Variants in SH3BP5 observed in about 807,000 individuals in gnomAD.
SH3BP5 encodes the protein SH3 domain-binding protein 5.
SH3BP5 carries 22 observed loss-of-function variants against 43.3 expected under a neutral mutation model. The observed-to-expected ratio is 0.51, with a 90% CI of 0.36 to 0.73. SH3BP5 has a LOEUF of 0.73. Among genes scored for constraint, SH3BP5 ranks in the 30% least tolerant of loss-of-function variants. The probability of loss-of-function intolerance (pLI) is 0.00; values close to 1 mark genes in which losing one functional copy is unlikely to be tolerated. For synonymous variants in SH3BP5, 255 were observed against 225.8 expected (o/e 1.13, Z -1.16); for missense variants, 529 against 586.9 (o/e 0.90, Z 1.02).
upstream of SH3BP5, among the ~76,000 whole-genome samples, chr3:15,335,598 ATAAAT>A (rs533117603): frequency 2.5e-3 from 383 of 151,080 alleles, 2 homozygotes; most frequent in African/African-American, 8.6e-3. Flanking sequence ...TAATGAAAAA[ATAAAT>A]TAAATAAAGT....
intron 3 of SH3BP5, among the ~76,000 whole-genome samples, chr3:15,293,881 C>G (rs930424303): frequency 6.6e-6 from 1 of 151,936 alleles, no homozygotes; most frequent in Non-Finnish European, 1.5e-5. Flanking sequence ...AGTTAGAGAC[C>G]AGCCTGGCCA....
chr3:15,273,402 AT>A, intron 3 of SH3BP5: 1 of 985,402 alleles, frequency 1.0e-6, no homozygotes, highest in Non-Finnish European at 1.2e-6. Context: ...AGAGAACCAG[AT>A]CTCTACAAAG....
chr3:15,280,391 C>A lies in SH3BP5; in HGVS notation c.331-10514G>T, dbSNP rs560423832. On this transcript the variant is annotated intron_variant, in intron 3 of 8. Transcript: ENST00000383791. Reference sequence around the variant, plus strand: ...AGCAGTACCCAAAAGGAAAAAAACCCCACAACAGCACCCCAGGGTACCACC... The same window carrying A: ...AGCAGTACCCAAAAGGAAAAAAACCACACAACAGCACCCCAGGGTACCACC... 6.6e-5 allele frequency among the ~76,000 whole-genome samples: 10 copies of A among 152,258 alleles called. No individual in the cohort carries two copies. The South Asian group carries it at 1.2e-3, about 19-fold the overall frequency.
intron 3 of SH3BP5, among the ~76,000 whole-genome samples, chr3:15,277,094 G>A (rs1446380794): frequency 6.6e-6 from 1 of 152,096 alleles, no homozygotes; most frequent in East Asian, 1.9e-4. Context: ...GGGATTACAG[G>A]TGCCCGCCAC....
At chr3:15,271,968 C>T (rs1696814063) in intron 3 of SH3BP5, among the ~76,000 whole-genome samples, 1 of 152,104 alleles carries the variant, frequency 6.6e-6, no homozygotes, top group Non-Finnish European at 1.5e-5. Flanking sequence ...TCCCACCACC[C>T]TCCCTCGGTT....
At chr3:15,259,643 C>G (rs1696357622) in intron 6 of SH3BP5, 118 bp downstream of exon 6, 2 of 977,918 alleles carry the variant, frequency 2.0e-6, no homozygotes, top group East Asian at 4.8e-5. Context: ...TCAGTAAAGC[C>G]TGTCTCTCCA....
At position 15,256,388 on chromosome 3, in the gene SH3BP5, G is replaced by C; in HGVS notation, c.1151-85C>G. On this transcript the variant is annotated intron_variant, in intron 8 of 8. Coordinates refer to ENST00000383791, the MANE Select transcript of SH3BP5 (RefSeq NM_004844.5). The stretch of plus-strand genomic sequence containing the variant: ...GAAATACAAAGATTATCAAAAGTGA[G>C]TATTGACAATTCTAAGTCACTTGAG... 4 of 1,406,964 alleles carry C rather than the reference G, an allele frequency of 2.8e-6. No individual in the cohort carries two copies. The Admixed American group carries it at 7.4e-5, about 26-fold the overall frequency. 87.2% of individuals were successfully genotyped at this position (1,406,964 alleles called of 1,614,324 possible).
upstream of SH3BP5, among the ~76,000 whole-genome samples, chr3:15,337,166 C>T (rs919148094): frequency 9.2e-5 from 13 of 141,438 alleles, no homozygotes; most frequent in Non-Finnish European, 2.0e-4. Context: ...CTCACTGCAA[C>T]CTCCGCCTCC....
chr3:15,254,751 T>G lies in SH3BP5; in HGVS notation c.*1335A>C, dbSNP rs1696133109. ...ACCTTAATTAATTGAAAATGATTAC[T>G]GGTGACCACAGCACTCCATGCTCTT... On this transcript the variant is annotated 3_prime_UTR_variant, in exon 9 of 9. Transcript: ENST00000383791. 6.6e-6 allele frequency: 1 copy of G among 152,244 alleles called. No homozygotes were observed. Among genetic ancestry groups the G allele is most frequent in the Admixed American group, 6.5e-5 (1 of 15,276 alleles). The allele number at this position is 152,244 out of a possible 1,614,324, so 9.4% of individuals were successfully genotyped here.
intron 2 of SH3BP5, among the ~76,000 whole-genome samples, chr3:15,314,508 T>TG (rs1271396087): frequency 6.6e-6 from 1 of 151,470 alleles, no homozygotes; most frequent in Non-Finnish European, 1.5e-5. Flanking sequence ...CAGGGCAGAG[T>TG]GGGGGAGCAA....
rs186214700 is a variant in SH3BP5, at chr3:15,262,996, T to G, written c.496-707A>C. 5.6e-4 allele frequency among the ~76,000 whole-genome samples: 85 copies of G among 152,312 alleles called. 2 individuals carry two copies. The highest frequency in any genetic ancestry group is 5.4e-3 in the Admixed American group (82 of 15,304). ...ATATATAGATATCTATATCTAGATATATATTTGAGCAAATTAGTGGTCAGA... is the reference window on the plus strand; with the variant it reads ...ATATATAGATATCTATATCTAGATAGATATTTGAGCAAATTAGTGGTCAGA... On this transcript the variant is annotated intron_variant, in intron 4 of 8. Coordinates refer to ENST00000383791, the MANE Select transcript of SH3BP5 (RefSeq NM_004844.5).
intron 3 of SH3BP5, among the ~76,000 whole-genome samples, chr3:15,276,812 C>T (rs1696984304): frequency 6.6e-6 from 1 of 152,202 alleles, no homozygotes; most frequent in African/African-American, 2.4e-5. Flanking sequence ...GCAGTTACTG[C>T]TTTAGCATTT....
chr3:15,265,492 AG>A (rs1328009668), intron 4 of SH3BP5, among the ~76,000 whole-genome samples: 1 of 143,352 alleles, frequency 7.0e-6, no homozygotes, highest in Non-Finnish European at 1.5e-5. Flanking sequence ...CTCCAGCCTG[AG>A]CTACAGGGCG....
chr3:15,332,731 A>G (rs1698649191), upstream of SH3BP5: 1 of 966,714 alleles, frequency 1.0e-6, no homozygotes, highest in Non-Finnish European at 1.3e-6. Flanking sequence ...CACATCTCCA[A>G]GGTGGCAAAA....
intron 2 of SH3BP5, among the ~76,000 whole-genome samples, chr3:15,310,675 A>C (rs1431303916): frequency 1.3e-5 from 2 of 152,196 alleles, no homozygotes; most frequent in Non-Finnish European, 2.9e-5. Flanking sequence ...CTGTTTACCA[A>C]GGGAGTTTTT....
intron 2 of SH3BP5, among the ~76,000 whole-genome samples, chr3:15,323,413 C>A (rs1321271431): frequency 6.6e-6 from 1 of 152,206 alleles, no homozygotes; most frequent in Admixed American, 6.5e-5. Flanking sequence ...TCATTGGAAC[C>A]TTCTCTGTTT....
At chr3:15,262,521 G>A (rs1035190735) in intron 4 of SH3BP5, among the ~76,000 whole-genome samples, 8 of 152,146 alleles carry the variant, frequency 5.3e-5, no homozygotes, top group Non-Finnish European at 1.2e-4. Flanking sequence ...GCCGGGCCTG[G>A]TGGTGTGCTC....
intron 1 of SH3BP5, among the ~76,000 whole-genome samples, chr3:15,340,784 G>A (rs1476043452): frequency 6.6e-6 from 1 of 151,924 alleles, no homozygotes; most frequent in Non-Finnish European, 1.5e-5. Context: ...CAGGTGCAGT[G>A]GCTCACACCT....
chr3:15,256,562 A>C, intron 8 of SH3BP5: 1 of 591,814 alleles, frequency 1.7e-6, no homozygotes, highest in Non-Finnish European at 3.0e-6. Flanking sequence ...AATTTGCCAT[A>C]TTCACTTTAT....
Sources: gnomAD v4.1 joint callset for allele counts (sites outside exome capture counted in the v4.1 genomes callset) on GRCh38, gnomAD v4.1.1 for gene constraint, MANE v1.5 for transcripts, NCBI Gene and HGNC (gene_info 2026-07-23, HGNC 2026-07-21) for gene names.